The following AGMO variants were observed in gnomAD, a reference collection of about 807,000 sequenced individuals.
AGMO encodes the protein alkylglycerol monooxygenase.
In AGMO, 75 loss-of-function variants were observed where a neutral mutation model predicts 60.2. That is an observed-to-expected ratio of 1.25 (90% CI 1.03 to 1.51). The LOEUF is 1.51. Among genes scored for constraint, AGMO ranks in the 40% most tolerant of loss-of-function variants. AGMO has a pLI of 0.00. For missense variants in AGMO, 763 were observed against 525.5 expected, an observed-to-expected ratio of 1.45 and a Z score of -4.42; for synonymous variants, 261 against 177.1, an observed-to-expected ratio of 1.47 and a Z score of -3.76.
chr7:15,176,566 T>A, the AGMO span, among the ~76,000 whole-genome samples: 1 of 151,908 alleles, frequency 6.6e-6, no homozygotes, highest in African/African-American at 2.4e-5. Context: ...AAAAATTATA[T>A]ATATTCAAAT....
chr7:15,353,179 T>G (rs951467493), intron 12 of AGMO, among the ~76,000 whole-genome samples: 1 of 152,128 alleles, frequency 6.6e-6, no homozygotes, highest in African/African-American at 2.4e-5. Context: ...GATGTTTACT[T>G]TAAGCTGCTG....
At chr7:15,423,604 T>C (rs1459522659) in intron 4 of AGMO, among the ~76,000 whole-genome samples, 1 of 152,202 alleles carries the variant, frequency 6.6e-6, no homozygotes, top group Admixed American at 6.5e-5. Flanking sequence ...AGCATCTTTA[T>C]AGAGGTAATC....
intron 12 of AGMO, among the ~76,000 whole-genome samples, chr7:15,248,214 A>ACATATATATATATATATATATG (rs1782819391): frequency 2.8e-5 from 2 of 71,160 alleles, no homozygotes; most frequent in African/African-American, 5.0e-5. Context: ...ATATATATAT[A>ACATATATATATATATATATATG]TATATATATA....
intron 12 of AGMO, among the ~76,000 whole-genome samples, chr7:15,254,977 G>A (rs893188991): frequency 6.6e-6 from 1 of 152,088 alleles, no homozygotes; most frequent in African/African-American, 2.4e-5. Flanking sequence ...AATAAAAAGT[G>A]TCAATCAAAG....
At chr7:15,509,526 AT>A (rs1300174060) in intron 3 of AGMO, among the ~76,000 whole-genome samples, 1 of 151,992 alleles carries the variant, frequency 6.6e-6, no homozygotes, top group Non-Finnish European at 1.5e-5. Flanking sequence ...GACCTTGGAA[AT>A]TTTTTTTCTT....
At chr7:15,168,637 A>C in the AGMO span, among the ~76,000 whole-genome samples, 5 of 152,328 alleles carry the variant, frequency 3.3e-5, no homozygotes, top group South Asian at 1.0e-3. Flanking sequence ...TTTCCTTAGG[A>C]GGCAGGCTAT....
At chr7:15,312,537 C>CG (rs985787604) in intron 12 of AGMO, among the ~76,000 whole-genome samples, 5 of 2,830 alleles carry the variant, frequency 1.8e-3, no homozygotes, top group African/African-American at 3.9e-3. Context: ...CAGTGCATGG[C>CG]GGGGGCGGTG....
the AGMO span, among the ~76,000 whole-genome samples, chr7:15,124,854 A>G: frequency 6.6e-6 from 1 of 152,098 alleles, no homozygotes; most frequent in African/African-American, 2.4e-5. Flanking sequence ...GGCTGAAGTC[A>G]TGGAAGCACT....
intron 4 of AGMO, among the ~76,000 whole-genome samples, chr7:15,428,054 A>G (rs1435351153): frequency 6.6e-6 from 1 of 152,180 alleles, no homozygotes; most frequent in East Asian, 1.9e-4. Flanking sequence ...TTTTCTTTTC[A>G]AAGATGCGGC....
the AGMO span, among the ~76,000 whole-genome samples, chr7:15,148,974 T>G: frequency 6.6e-6 from 1 of 152,138 alleles, no homozygotes; most frequent in African/African-American, 2.4e-5. Flanking sequence ...CTCAGCTCGC[T>G]AACACCTGTT....
At chr7:15,523,077 C>T (rs181901821) in intron 3 of AGMO, among the ~76,000 whole-genome samples, 9 of 152,130 alleles carry the variant, frequency 5.9e-5, no homozygotes, top group African/African-American at 1.7e-4. Context: ...ATGCGGCCAA[C>T]AAACATATGA....
chr7:15,504,677 G>C lies in AGMO; in HGVS notation c.409+40095C>G, dbSNP rs975131284. On this transcript the variant is annotated intron_variant, in intron 3 of 12. Coordinates refer to ENST00000342526, the MANE Select transcript of AGMO (RefSeq NM_001004320.2). ...TAAGTGTTTCCGTAAGTTTTAAATA[G>C]ATAACAGTACTTTCTAACAACTACA... Among the ~76,000 whole-genome samples, 13 of 150,856 alleles carry C rather than the reference G, an allele frequency of 8.6e-5. 1 individual carries two copies. The highest frequency in any genetic ancestry group is 3.2e-4 in the African/African-American group (13 of 41,018).
At chr7:15,473,178 C>CCCT (rs1204569713) in intron 3 of AGMO, among the ~76,000 whole-genome samples, 1 of 151,958 alleles carries the variant, frequency 6.6e-6, no homozygotes, top group Admixed American at 6.6e-5. Flanking sequence ...GACACATACA[C>CCCT]CCTCCCAAGA....
intron 6 of AGMO, among the ~76,000 whole-genome samples, chr7:15,393,016 T>A (rs898287721): frequency 6.6e-6 from 1 of 152,242 alleles, no homozygotes; most frequent in Non-Finnish European, 1.5e-5. Context: ...AGAACGGCTA[T>A]ATGGGTTCTC....
the AGMO span, among the ~76,000 whole-genome samples, chr7:15,120,510 T>C: frequency 1.3e-5 from 2 of 152,260 alleles, no homozygotes; most frequent in East Asian, 3.9e-4. Flanking sequence ...AGGATGGGAC[T>C]CCATGATAGG....
intron 3 of AGMO, among the ~76,000 whole-genome samples, chr7:15,469,994 A>C (rs1782405735): frequency 2.0e-5 from 3 of 152,068 alleles, no homozygotes; most frequent in African/African-American, 7.2e-5. Context: ...AGGTAAAAGA[A>C]CCAAACAGCA....
intron 12 of AGMO, among the ~76,000 whole-genome samples, chr7:15,280,280 C>T (rs1783924863): frequency 6.6e-6 from 1 of 152,140 alleles, no homozygotes; most frequent in Admixed American, 6.5e-5. Flanking sequence ...GTGGGACCTG[C>T]CTTGCCAAAT....
At chr7:15,531,174 C>CTGTATATATTCTG (rs796335594) in intron 3 of AGMO, among the ~76,000 whole-genome samples, 1 of 19,748 alleles carries the variant, frequency 5.1e-5, no homozygotes, top group African/African-American at 2.6e-4. Context: ...TATATATATT[C>CTGTATATATTCTG]TATATATTCT....
the AGMO span, among the ~76,000 whole-genome samples, chr7:15,150,019 T>C: frequency 6.6e-6 from 1 of 152,012 alleles, no homozygotes; most frequent in Non-Finnish European, 1.5e-5. Context: ...TTCACCTTCC[T>C]GGTTAGCTGC....
Sources: allele counts gnomAD v4.1 joint callset (sites outside exome capture counted in the v4.1 genomes callset), GRCh38; gene constraint gnomAD v4.1.1; transcripts MANE v1.5; gene names NCBI Gene and HGNC (gene_info 2026-07-23, HGNC 2026-07-21).